Variants in FRMD3 observed in about 807,000 individuals in gnomAD.
FRMD3 encodes the protein FERM domain containing 3.
Under a neutral mutation model 70.2 loss-of-function variants are expected in FRMD3, and 33 were observed. The observed-to-expected ratio is 0.47, with a 90% CI of 0.36 to 0.63. FRMD3 has a LOEUF of 0.63. Ranked by LOEUF, FRMD3 falls within the 20% of genes least tolerant of loss-of-function variation. FRMD3 has a pLI of 0.00. For synonymous variants in FRMD3, 279 were observed against 255.9 expected (o/e 1.09, Z -0.86); for missense variants, 632 against 711.4 (o/e 0.89, Z 1.27).
At chr9:83,354,724 T>C (rs1824279945) in intron 3 of FRMD3, among the ~76,000 whole-genome samples, 4 of 151,952 alleles carry the variant, frequency 2.6e-5, no homozygotes, top group Admixed American at 2.6e-4. Flanking sequence ...AAAATCAAAA[T>C]AAATATGTGA....
chr9:83,528,293 G>A (rs958714515), intron 1 of FRMD3, among the ~76,000 whole-genome samples: 2 of 118,666 alleles, frequency 1.7e-5, no homozygotes, highest in African/African-American at 3.3e-5. Flanking sequence ...GAATATAAAC[G>A]CAGACACACA....
In FRMD3 at chr9:83,313,697, G is replaced by C; in HGVS notation, c.647C>G (p.Thr216Ser). 6.2e-7 allele frequency: 1 copy of C among 1,614,138 alleles called. No homozygotes were observed. The highest frequency in any genetic ancestry group is 8.5e-7 in the Non-Finnish European group (1 of 1,179,964). The change falls in exon 7 of 14, where the codon ACT becomes AGT. Residue 216 changes from threonine to serine, a missense_variant. Transcript: ENST00000304195. ...AGGATCCACCCCGTAGGTTTCCAAA[G>C]TGTGAGCTTTCAGGAGCAAGTTAAA... The part of the protein sequence containing the change: ...AEFNLLLKAH[T>S]LETYGVDPHP...
chr9:83,315,397 A>T (rs1835529019), intron 6 of FRMD3, among the ~76,000 whole-genome samples: 1 of 151,964 alleles, frequency 6.6e-6, no homozygotes, highest in South Asian at 2.1e-4. Flanking sequence ...TATGATTTGG[A>T]TTTGTGTCCC....
chr9:83,325,680 A>G (rs929332659), intron 6 of FRMD3, among the ~76,000 whole-genome samples: 3 of 152,292 alleles, frequency 2.0e-5, no homozygotes, highest in African/African-American at 7.2e-5. Context: ...CCATTTATCA[A>G]TGATAAGGCA....
chr9:83,509,779 A>ACG (rs796710952), intron 1 of FRMD3, among the ~76,000 whole-genome samples: 168 of 148,958 alleles, frequency 1.1e-3, no homozygotes, highest in East Asian at 2.0e-3. Flanking sequence ...AAATACGCAC[A>ACG]CGCGCGCGCA....
chr9:83,554,966 A>C, the FRMD3 span, among the ~76,000 whole-genome samples: 1 of 152,180 alleles, frequency 6.6e-6, no homozygotes, highest in Admixed American at 6.5e-5. Flanking sequence ...AAAATGACAA[A>C]GATAGCAGGC....
At chr9:83,322,580 G>A (rs1416311359) in intron 6 of FRMD3, among the ~76,000 whole-genome samples, 5 of 152,168 alleles carry the variant, frequency 3.3e-5, no homozygotes, top group Admixed American at 2.6e-4. Flanking sequence ...GCCACTGTAG[G>A]CTTGGATGCC....
intron 13 of FRMD3, among the ~76,000 whole-genome samples, chr9:83,261,106 C>CACAT (rs1376331520): frequency 9.3e-6 from 1 of 107,328 alleles, no homozygotes; most frequent in Non-Finnish European, 2.1e-5. Flanking sequence ...AACTTAGACA[C>CACAT]ACACACACAC....
chr9:83,511,292 C>T (rs1829333441), intron 1 of FRMD3, among the ~76,000 whole-genome samples: 1 of 152,138 alleles, frequency 6.6e-6, no homozygotes, highest in Non-Finnish European at 1.5e-5. Context: ...CTGTTGATTT[C>T]CCCAGTAGCA....
intron 6 of FRMD3, among the ~76,000 whole-genome samples, chr9:83,331,414 T>C (rs117804239): frequency 7.6e-4 from 115 of 152,266 alleles, no homozygotes; most frequent in African/African-American, 1.0e-3. Flanking sequence ...ATAGAGACAG[T>C]AAAAAGATCA....
chr9:83,488,127 C>G (rs1828728029), intron 1 of FRMD3, among the ~76,000 whole-genome samples: 1 of 151,958 alleles, frequency 6.6e-6, no homozygotes, highest in African/African-American at 2.4e-5. Flanking sequence ...CTTTGGCCTC[C>G]TTTTCAAAAA....
At chr9:83,250,577 G>A (rs1258065770) in intron 13 of FRMD3, among the ~76,000 whole-genome samples, 1 of 152,218 alleles carries the variant, frequency 6.6e-6, no homozygotes, top group East Asian at 1.9e-4. Context: ...GCTAATGGCA[G>A]TAGGTTGGAG....
chr9:83,541,300 G>C (rs1322657792), upstream of FRMD3, among the ~76,000 whole-genome samples: 1 of 152,206 alleles, frequency 6.6e-6, no homozygotes, highest in East Asian at 1.9e-4. Context: ...ACCTGAATCT[G>C]TCCATTTGAA....
chr9:83,537,635 G>A lies in FRMD3; in HGVS notation c.147+450C>T, dbSNP rs1254455426. ...CTGAGGGCGTCTCCGGAGCCTGGGC[G>A]CGGGAGACAGAAATGAGTGAACCCA... On this transcript the variant is annotated intron_variant, in intron 1 of 13. Coordinates refer to ENST00000304195, the MANE Select transcript of FRMD3 (RefSeq NM_174938.6). The surrounding 1 kb of genome is among the most constrained non-coding windows in gnomAD (Gnocchi z 4.1). 6.6e-6 allele frequency among the ~76,000 whole-genome samples: 1 copy of A among 152,214 alleles called. No homozygotes were observed. Among genetic ancestry groups the A allele is most frequent in the Non-Finnish European group, 1.5e-5 (1 of 68,040 alleles).
At chr9:83,271,385 T>C (rs1339625778) in intron 13 of FRMD3, among the ~76,000 whole-genome samples, 1 of 152,058 alleles carries the variant, frequency 6.6e-6, no homozygotes, top group Non-Finnish European at 1.5e-5. Context: ...TTCAGAGGAC[T>C]TTTTAAAGAT....
At chr9:83,551,263 G>C in the FRMD3 span, among the ~76,000 whole-genome samples, 1 of 152,096 alleles carries the variant, frequency 6.6e-6, no homozygotes, top group Non-Finnish European at 1.5e-5. Flanking sequence ...TTCTGTTTAT[G>C]TGATGAATCA....
At chr9:83,350,640 A>G (rs1322076881) in intron 3 of FRMD3, 5 of 476,108 alleles carry the variant, frequency 1.1e-5, no homozygotes, top group African/African-American at 2.2e-5. Context: ...AAAAAAAAAG[A>G]AAGAAAGAAA....
chr9:83,551,934 T>C, the FRMD3 span, among the ~76,000 whole-genome samples: 3 of 151,982 alleles, frequency 2.0e-5, no homozygotes, highest in Non-Finnish European at 4.4e-5. Flanking sequence ...CCTGGATTCA[T>C]TGATCTTTTG....
chr9:83,269,879 C>A (rs544414460), intron 13 of FRMD3, among the ~76,000 whole-genome samples: 1 of 152,272 alleles, frequency 6.6e-6, no homozygotes, highest in Admixed American at 6.5e-5. Flanking sequence ...TAAGTAGATT[C>A]CTTTACTCTT....
Sources: allele counts gnomAD v4.1 joint callset (sites outside exome capture counted in the v4.1 genomes callset), GRCh38; gene constraint gnomAD v4.1.1; non-coding constraint Gnocchi (gnomAD v3.1); transcripts MANE v1.5; gene names NCBI Gene and HGNC (gene_info 2026-07-23, HGNC 2026-07-21).